CBFA2T3: variants seen among roughly 807,000 people sequenced by gnomAD.
CBFA2T3 encodes the protein CBFA2/RUNX1 partner transcriptional co-repressor 3, also known as transcriptional corepressor CBFA2T3.
CBFA2T3 carries 31 observed loss-of-function variants against 58.6 expected under a neutral mutation model. The ratio of observed to expected loss-of-function variants is 0.53; its 90% CI spans 0.40 to 0.71. The LOEUF (loss-of-function observed/expected upper bound fraction) is 0.71. Among genes scored for constraint, CBFA2T3 ranks in the 30% least tolerant of loss-of-function variants. CBFA2T3 has a pLI of 0.00. For synonymous variants in CBFA2T3, 531 were observed against 421.9 expected, an observed-to-expected ratio of 1.26 and a Z score of -3.17; for missense variants, 1,076 against 963.1, an observed-to-expected ratio of 1.12 and a Z score of -1.55.
At chr16:88,934,324 G>A (rs576896341) in intron 1 of CBFA2T3, among the ~76,000 whole-genome samples, 2 of 152,276 alleles carry the variant, frequency 1.3e-5, no homozygotes, top group African/African-American at 4.8e-5. Flanking sequence ...CATAGGGGAG[G>A]CTCCATGCAC....
chr16:88,877,424 C>T (rs1968883122), intron 11 of CBFA2T3, 149 bp from the exon 12 acceptor site: 11 of 659,018 alleles, frequency 1.7e-5, no homozygotes, highest in Admixed American at 6.1e-5. Flanking sequence ...GGCCATGCTC[C>T]AGATACAGCC....
rs1337382555 is a variant in CBFA2T3 at position 88,943,699 on chromosome 16, C to G, written c.151+32958G>C. 2.0e-5 allele frequency among the ~76,000 whole-genome samples: 3 copies of G among 152,184 alleles called. No homozygotes were observed. The East Asian group carries it at 5.8e-4, about 29-fold the overall frequency. ...GTGCTGTGCGGATGCTCCCGGAACG[C>G]CCATTTTACAGGTGGAGAGGCTGAG... On this transcript the variant is annotated intron_variant, in intron 1 of 11. Coordinates refer to ENST00000268679, the MANE Select transcript of CBFA2T3 (RefSeq NM_005187.6).
chr16:88,885,210 G>A lies in CBFA2T3; in HGVS notation c.953C>T (p.Pro318Leu). ...PLHPEHLSKRPCTLNPAQRYS... is the reference protein window; with the variant it reads ...PLHPEHLSKRLCTLNPAQRYS... ...GCGCTGGGCAGGGTTCAGGGTGCAT[G>A]GCCGTTTGCTGAGGTGCTCGGGGTG... is the stretch of plus-strand genomic sequence containing the variant. The change falls in exon 7 of 12, where the codon CCA becomes CTA. Residue 318 changes from proline (P) to leucine (L), a missense_variant. Coordinates refer to ENST00000268679, the MANE Select transcript of CBFA2T3 (RefSeq NM_005187.6). The surrounding 1 kb of genome is among the most constrained non-coding windows in gnomAD (Gnocchi z 5.3). 1 of 1,597,676 alleles carries A rather than the reference G, an allele frequency of 6.3e-7. No homozygotes were observed. Among genetic ancestry groups the A allele is most frequent in the Non-Finnish European group, 8.5e-7 (1 of 1,169,746 alleles).
chr16:88,974,276 G>A (rs1972734094), intron 1 of CBFA2T3, among the ~76,000 whole-genome samples: 1 of 152,148 alleles, frequency 6.6e-6, no homozygotes, highest in Non-Finnish European at 1.5e-5. Flanking sequence ...CGGGCGCCTC[G>A]TAAACCCAGC....
intron 3 of CBFA2T3, among the ~76,000 whole-genome samples, chr16:88,893,771 C>T (rs1455285969): frequency 6.6e-6 from 1 of 152,214 alleles, no homozygotes. Flanking sequence ...AGGGCCGGGC[C>T]TCACCCCTTT....
intron 3 of CBFA2T3, 47 bp downstream of exon 3, chr16:88,898,031 C>T (rs752750349): frequency 1.4e-5 from 19 of 1,369,526 alleles, no homozygotes; most frequent in South Asian, 3.5e-5. Context: ...GAGGATGCTG[C>T]GGTGAAGACC....
intron 1 of CBFA2T3, among the ~76,000 whole-genome samples, chr16:88,973,473 C>T (rs1019228448): frequency 4.6e-5 from 7 of 152,196 alleles, no homozygotes; most frequent in African/African-American, 1.7e-4. Flanking sequence ...GTTCTGAGCC[C>T]CCAGCCAGCT....
chr16:88,924,151 G>C (rs1450756476), intron 1 of CBFA2T3, among the ~76,000 whole-genome samples: 1 of 152,180 alleles, frequency 6.6e-6, no homozygotes, highest in East Asian at 1.9e-4. Context: ...GGTGGGGCGG[G>C]GCAGGTGGTG....
intron 1 of CBFA2T3, among the ~76,000 whole-genome samples, chr16:88,923,499 T>G (rs1970987445): frequency 1.3e-5 from 2 of 152,222 alleles, no homozygotes; most frequent in African/African-American, 4.8e-5. Flanking sequence ...GGGCTGTTTG[T>G]TTGGGGCCTT....
Position 88,976,900 on chromosome 16 carries a change from G to A in CBFA2T3, c.-93C>T. ...ACCTCCTGCAGCCTTGAGGGAAAGA[G>A]GAGGGGCTGGGCCAGCTGGGGCGTC... On this transcript the variant is annotated 5_prime_UTR_variant, in exon 1 of 12. Transcript: ENST00000268679. 1 of 1,439,914 alleles carries A rather than the reference G, an allele frequency of 6.9e-7. No individual in the cohort carries two copies. Among genetic ancestry groups the A allele is most frequent in the South Asian group, 1.4e-5 (1 of 72,966 alleles). 89.2% of individuals were successfully genotyped at this position (1,439,914 alleles called of 1,614,324 possible).
Position 88,887,882 on chromosome 16 carries a change from G to A in CBFA2T3, c.712-1740C>T, listed in dbSNP as rs143395535. On this transcript the variant is annotated intron_variant, in intron 5 of 11. Coordinates refer to ENST00000268679, the MANE Select transcript of CBFA2T3 (RefSeq NM_005187.6). Reference sequence around the variant, plus strand: ...CTGGGGAACTGGTGTTTGCAATGACGGCGGCGGTGGCTGAGGCACTAGTTG... The same window carrying A: ...CTGGGGAACTGGTGTTTGCAATGACAGCGGCGGTGGCTGAGGCACTAGTTG... Among the ~76,000 whole-genome samples, 572 of 152,268 alleles carry A rather than the reference G, an allele frequency of 3.8e-3. 1 individual carries two copies. Among genetic ancestry groups the A allele is most frequent in the African/African-American group, 0.013 (551 of 41,552 alleles).
At chr16:88,945,765 C>T (rs866566218) in intron 1 of CBFA2T3, among the ~76,000 whole-genome samples, 1 of 152,192 alleles carries the variant, frequency 6.6e-6, no homozygotes, top group Non-Finnish European at 1.5e-5. Context: ...TTGACTGTTT[C>T]TTATGAAACT....
At chr16:88,894,770 G>A (rs1433356751) in intron 3 of CBFA2T3, among the ~76,000 whole-genome samples, 3 of 152,254 alleles carry the variant, frequency 2.0e-5, no homozygotes, top group Admixed American at 6.5e-5. Flanking sequence ...CCTCAGGGCC[G>A]AATTCCTCCG....
chr16:88,901,455 G>A lies in CBFA2T3; in HGVS notation c.304+49C>T, dbSNP rs748206763. On this transcript the variant is annotated intron_variant, in intron 2 of 11. Transcript: ENST00000268679. ...GCTCAGAATTTCAAACAACACAAGGGCCTCCCCTGAAACACCTGGCCCTCG... is the reference window on the plus strand; with the variant it reads ...GCTCAGAATTTCAAACAACACAAGGACCTCCCCTGAAACACCTGGCCCTCG... The A allele has an allele frequency of 1.1e-5, 11 of 1,019,644 alleles. No individual in the cohort carries two copies. The South Asian group carries it at 1.8e-4, about 17-fold the overall frequency. The allele number at this position is 1,019,644 out of a possible 1,614,324, so 63.2% of individuals were successfully genotyped here.
intron 1 of CBFA2T3, among the ~76,000 whole-genome samples, chr16:88,943,311 C>T (rs568251335): frequency 2.6e-5 from 4 of 152,220 alleles, no homozygotes; most frequent in Non-Finnish European, 4.4e-5. Flanking sequence ...ACCAGCGGCA[C>T]GTCCGTGGTC....
Position 88,877,287 on chromosome 16 carries a change from C to G in CBFA2T3, c.1663-12G>C. The G allele has an allele frequency of 2.6e-6, 4 of 1,537,582 alleles. No homozygotes were observed. The highest frequency in any genetic ancestry group is 3.5e-6 in the Non-Finnish European group (4 of 1,140,930). On this transcript the variant is annotated splice_polypyrimidine_tract_variant and intron_variant, in intron 11 of 11. Transcript: ENST00000268679. Reference sequence around the variant, plus strand: ...CAGTTCCAGCAGCTCTGGGTGGGGGCAGAGGGGCCAGTCAGGGCTGGGTCT... The same window carrying G: ...CAGTTCCAGCAGCTCTGGGTGGGGGGAGAGGGGCCAGTCAGGGCTGGGTCT...
chr16:88,970,890 T>G (rs1324153877), intron 1 of CBFA2T3, among the ~76,000 whole-genome samples: 1 of 151,944 alleles, frequency 6.6e-6, no homozygotes, highest in Admixed American at 6.6e-5. Context: ...GTTTTTCTCA[T>G]GGGGTGACAG....
At position 88,875,233 on chromosome 16, in the gene CBFA2T3, G is replaced by C. The variant is rs971073494; in HGVS notation, c.*1743C>G. 1.8e-4 allele frequency: 42 copies of C among 233,768 alleles called. No individual in the cohort carries two copies. Among genetic ancestry groups the C allele is most frequent in the African/African-American group, 9.3e-4 (42 of 45,334 alleles). The allele number at this position is 233,768 out of a possible 1,614,324, so 14.5% of individuals were successfully genotyped here. A position where few individuals can be genotyped will look rare whatever the true frequency, so the allele number is the denominator to read the frequency against. Reference sequence around the variant, plus strand: ...GCCACACGCACAGATGCCAGGCTGCGGGCCGTGCCTGCTGTCTGTCCTTGT... The same window carrying C: ...GCCACACGCACAGATGCCAGGCTGCCGGCCGTGCCTGCTGTCTGTCCTTGT... On this transcript the variant is annotated 3_prime_UTR_variant, in exon 12 of 12. Transcript: ENST00000268679.
At chr16:88,920,062 G>GTTCC (rs918144296) in intron 1 of CBFA2T3, among the ~76,000 whole-genome samples, 2 of 152,244 alleles carry the variant, frequency 1.3e-5, no homozygotes, top group African/African-American at 4.8e-5. Flanking sequence ...TGGGGTGGGC[G>GTTCC]TTCCTGCCTC....
Sources: gnomAD v4.1 joint callset for allele counts (sites outside exome capture counted in the v4.1 genomes callset) on GRCh38, gnomAD v4.1.1 for gene constraint, Gnocchi (gnomAD v3.1) non-coding constraint, MANE v1.5 for transcripts, NCBI Gene and HGNC (gene_info 2026-07-23, HGNC 2026-07-21) for gene names.